The following GRID1 variants were observed in gnomAD, a reference collection of about 807,000 sequenced individuals.
GRID1 encodes glutamate receptor ionotropic, delta-1.
GRID1 carries 28 observed loss-of-function variants against 98.0 expected under a neutral mutation model. That is an observed-to-expected ratio of 0.29 (90% CI 0.21 to 0.39). The LOEUF (loss-of-function observed/expected upper bound fraction) is 0.39. GRID1 is among the 10% of genes least tolerant of loss of function. The pLI, the probability that GRID1 is intolerant of heterozygous loss-of-function variation, is 1.00. For missense variants in GRID1, 1,111 were observed against 1,340.5 expected (o/e 0.83, Z 2.67); for synonymous variants, 553 against 538.5 (o/e 1.03, Z -0.37).
chr10:86,018,445 G>T (rs1843006567), intron 4 of GRID1, among the ~76,000 whole-genome samples: 1 of 152,222 alleles, frequency 6.6e-6, no homozygotes, highest in African/African-American at 2.4e-5. Flanking sequence ...GGCAGCCCAT[G>T]CCAAAATGTC....
intron 2 of GRID1, among the ~76,000 whole-genome samples, chr10:86,237,265 G>A (rs369951281): frequency 7.7e-4 from 118 of 152,268 alleles, no homozygotes; most frequent in African/African-American, 2.7e-3. Context: ...TTGTGTCTCC[G>A]CTCAAATCTC....
At position 86,174,069 on chromosome 10, in the gene GRID1, T is replaced by C. The variant is rs866478236; in HGVS notation, c.520+32295A>G. 9.9e-4 allele frequency among the ~76,000 whole-genome samples: 151 copies of C among 152,284 alleles called. 1 individual carries two copies. Among genetic ancestry groups the C allele is most frequent in the African/African-American group, 3.5e-3 (145 of 41,548 alleles). Reference sequence around the variant, plus strand: ...CATGTGTCTTTATAGCAGCATGACTTATAGTCCTTTGGGTATATACCCAGT... The same window carrying C: ...CATGTGTCTTTATAGCAGCATGACTCATAGTCCTTTGGGTATATACCCAGT... On this transcript the variant is annotated intron_variant, in intron 3 of 15. Transcript: ENST00000327946.
At chr10:86,269,490 C>T (rs2132060552) in intron 2 of GRID1, among the ~76,000 whole-genome samples, 1 of 152,374 alleles carries the variant, frequency 6.6e-6, no homozygotes, top group Middle Eastern at 3.4e-3. Context: ...GCTCTGCACA[C>T]TGGCTGACAT....
chr10:86,233,377 G>T (rs1846485852), intron 2 of GRID1, among the ~76,000 whole-genome samples: 1 of 152,338 alleles, frequency 6.6e-6, no homozygotes, highest in Middle Eastern at 3.4e-3. Context: ...CCAGGCTGTG[G>T]TGCGGAGGCT....
chr10:86,076,497 T>C (rs1355942114), intron 4 of GRID1, among the ~76,000 whole-genome samples: 1 of 152,120 alleles, frequency 6.6e-6, no homozygotes, highest in East Asian at 1.9e-4. Flanking sequence ...AAGAAGTGTG[T>C]GCATTGAGAG....
intron 4 of GRID1, among the ~76,000 whole-genome samples, chr10:85,928,354 G>A (rs1457683593): frequency 2.0e-5 from 3 of 152,232 alleles, no homozygotes; most frequent in Admixed American, 2.0e-4. Flanking sequence ...AGCGGACAGG[G>A]ATAGGGCAAG....
chr10:85,951,963 C>G (rs1842131340), intron 4 of GRID1, among the ~76,000 whole-genome samples: 1 of 152,364 alleles, frequency 6.6e-6, no homozygotes, highest in South Asian at 2.1e-4. Context: ...ATCTCCCTAA[C>G]TCCTTTATGA....
intron 5 of GRID1, among the ~76,000 whole-genome samples, chr10:85,913,839 T>C (rs1841574051): frequency 1.3e-5 from 2 of 152,174 alleles, no homozygotes; most frequent in Admixed American, 6.5e-5. Context: ...TGTTGTCCCT[T>C]GCCTCATAGA....
At chr10:86,089,795 G>C (rs912211243) in intron 4 of GRID1, among the ~76,000 whole-genome samples, 2 of 151,462 alleles carry the variant, frequency 1.3e-5, no homozygotes, top group Non-Finnish European at 2.9e-5. Flanking sequence ...CACCCAGGCT[G>C]GAGTGCAATG....
At chr10:85,805,947 G>T (rs917235518) in intron 8 of GRID1, among the ~76,000 whole-genome samples, 1 of 148,922 alleles carries the variant, frequency 6.7e-6, no homozygotes, top group African/African-American at 2.5e-5. Flanking sequence ...GAAACAAAAA[G>T]CCATAAAAGA....
chr10:85,725,905 T>C (rs1841755619), intron 10 of GRID1, among the ~76,000 whole-genome samples: 1 of 152,234 alleles, frequency 6.6e-6, no homozygotes. Flanking sequence ...TTCTAAAAAC[T>C]CTAGCATCCA....
At chr10:86,170,321 C>T (rs754736977) in intron 3 of GRID1, among the ~76,000 whole-genome samples, 2 of 152,228 alleles carry the variant, frequency 1.3e-5, no homozygotes, top group Non-Finnish European at 2.9e-5. Flanking sequence ...AGGTCCCTGT[C>T]GCCCACCATC....
intron 6 of GRID1, among the ~76,000 whole-genome samples, chr10:85,858,725 G>C (rs1370640093): frequency 2.0e-5 from 3 of 152,202 alleles, no homozygotes; most frequent in African/African-American, 7.2e-5. Flanking sequence ...GGGTCTACCA[G>C]CCACCAACTG....
chr10:85,820,386 C>T (rs1438552477), intron 8 of GRID1, among the ~76,000 whole-genome samples: 1 of 152,088 alleles, frequency 6.6e-6, no homozygotes, highest in East Asian at 1.9e-4. Flanking sequence ...GGAAAACAGG[C>T]AAAATCATAA....
intron 12 of GRID1, among the ~76,000 whole-genome samples, chr10:85,662,885 G>A (rs1031358192): frequency 6.6e-6 from 1 of 152,008 alleles, no homozygotes; most frequent in East Asian, 1.9e-4. Context: ...TTTAGGCCTC[G>A]AAGGACTTGT....
chr10:85,719,886 TAGACA>T (rs1335551619), intron 12 of GRID1, among the ~76,000 whole-genome samples: 3 of 152,198 alleles, frequency 2.0e-5, no homozygotes, highest in Non-Finnish European at 4.4e-5. Context: ...GATCTCTGGA[TAGACA>T]AAGACTTAAC....
At chr10:85,992,623 G>GA (rs3028893) in intron 4 of GRID1, among the ~76,000 whole-genome samples, 2 of 149,974 alleles carry the variant, frequency 1.3e-5, no homozygotes, top group African/African-American at 4.9e-5. Flanking sequence ...GGTGGGGGGG[G>GA]AACAAATGGT....
chr10:85,881,133 G>C lies in GRID1; in HGVS notation c.781-11953C>G, dbSNP rs528179746. On this transcript the variant is annotated intron_variant, in intron 5 of 15. Transcript: ENST00000327946. ...TCAATGAAATAAAAGAGGATACAAA[G>C]AAATGGAAGAACATTCCATGCTCAT... 4.2e-3 allele frequency among the ~76,000 whole-genome samples: 644 copies of C among 152,112 alleles called. 7 individuals are homozygous for C. The highest frequency in any genetic ancestry group is 0.015 in the African/African-American group (614 of 41,500).
intron 8 of GRID1, among the ~76,000 whole-genome samples, chr10:85,771,126 G>A (rs1190830128): frequency 4.6e-5 from 7 of 152,144 alleles, no homozygotes; most frequent in Admixed American, 6.5e-5. Flanking sequence ...CGGATCTCTC[G>A]GCAGAAACTC....
Sources: gnomAD v4.1 joint callset for allele counts (sites outside exome capture counted in the v4.1 genomes callset) on GRCh38, gnomAD v4.1.1 for gene constraint, MANE v1.5 for transcripts, NCBI Gene and HGNC (gene_info 2026-07-23, HGNC 2026-07-21) for gene names.